The following CCSER1 variants were observed in gnomAD, a reference collection of about 807,000 sequenced individuals.
CCSER1 encodes serine-rich coiled-coil domain-containing protein 1.
Under a neutral mutation model 82.0 loss-of-function variants are expected in CCSER1, and 41 were observed. The ratio of observed to expected loss-of-function variants is 0.50; its 90% CI spans 0.39 to 0.65. The LOEUF is 0.65. Among genes scored for constraint, CCSER1 ranks in the 30% least tolerant of loss-of-function variants. The probability of loss-of-function intolerance (pLI) is 0.00; values close to 1 mark genes in which losing one functional copy is unlikely to be tolerated. For missense variants in CCSER1, 1,119 were observed against 1,064.2 expected (o/e 1.05, Z -0.72); for synonymous variants, 414 against 383.9 (o/e 1.08, Z -0.92).
intron 10 of CCSER1, among the ~76,000 whole-genome samples, chr4:91,160,499 T>C (rs564712588): frequency 6.6e-6 from 1 of 152,222 alleles, no homozygotes; most frequent in African/African-American, 2.4e-5. Flanking sequence ...TGAACTAGTT[T>C]ACAGTCCCAC....
chr4:91,466,791 T>C (rs1756938634), intron 10 of CCSER1, among the ~76,000 whole-genome samples: 1 of 152,058 alleles, frequency 6.6e-6, no homozygotes, highest in Non-Finnish European at 1.5e-5. Context: ...GGAATCCAAC[T>C]TACAAGGGAT....
intron 9 of CCSER1, among the ~76,000 whole-genome samples, chr4:90,948,483 G>A (rs1401239689): frequency 4.0e-5 from 6 of 151,414 alleles, no homozygotes; most frequent in Non-Finnish European, 7.4e-5. Flanking sequence ...ACAACACATA[G>A]GATGAAAACA....
At chr4:91,429,080 A>G (rs1754149496) in intron 10 of CCSER1, among the ~76,000 whole-genome samples, 1 of 152,016 alleles carries the variant, frequency 6.6e-6, no homozygotes, top group African/African-American at 2.4e-5. Flanking sequence ...CAAATTAAAG[A>G]GTTTTTGATA....
chr4:91,407,957 G>C (rs1752800698), intron 10 of CCSER1, among the ~76,000 whole-genome samples: 2 of 152,096 alleles, frequency 1.3e-5, no homozygotes, highest in Non-Finnish European at 2.9e-5. Context: ...TTTGTCAGTG[G>C]TCTATTGCCG....
chr4:91,386,790 T>A (rs1024629496), intron 10 of CCSER1, among the ~76,000 whole-genome samples: 1 of 152,016 alleles, frequency 6.6e-6, no homozygotes, highest in Admixed American at 6.6e-5. Context: ...CATATATACA[T>A]GTATATATAG....
At chr4:91,027,101 G>T (rs1034423969) in intron 9 of CCSER1, among the ~76,000 whole-genome samples, 4 of 152,016 alleles carry the variant, frequency 2.6e-5, no homozygotes, top group African/African-American at 9.7e-5. Context: ...ATGTAGAACT[G>T]GGCAAGATCA....
At chr4:90,325,589 G>A (rs1472978335) in intron 3 of CCSER1, 3 of 433,182 alleles carry the variant, frequency 6.9e-6, no homozygotes, top group Admixed American at 4.8e-5. Flanking sequence ...AATATTTATT[G>A]ATTCAGGGTC....
chr4:90,963,821 G>A (rs903688299), intron 9 of CCSER1, among the ~76,000 whole-genome samples: 5 of 152,114 alleles, frequency 3.3e-5, no homozygotes, highest in Non-Finnish European at 7.3e-5. Context: ...CTAACGTATT[G>A]CCTTATGATC....
intron 6 of CCSER1, among the ~76,000 whole-genome samples, chr4:90,649,878 G>A (rs929065372): frequency 6.6e-6 from 1 of 152,112 alleles, no homozygotes; most frequent in African/African-American, 2.4e-5. Context: ...AGGCAGAGGT[G>A]GGTGGATCAC....
At chr4:91,373,173 A>G (rs1750157959) in intron 10 of CCSER1, among the ~76,000 whole-genome samples, 1 of 151,890 alleles carries the variant, frequency 6.6e-6, no homozygotes, top group African/African-American at 2.4e-5. Context: ...GAAACTATAT[A>G]TTATAGGCCA....
At chr4:90,476,712 C>G (rs1456679409) in intron 5 of CCSER1, among the ~76,000 whole-genome samples, 1 of 152,096 alleles carries the variant, frequency 6.6e-6, no homozygotes, top group African/African-American at 2.4e-5. Flanking sequence ...AACTGCTGCC[C>G]TTGATTGACA....
At chr4:91,204,990 CTATTAT>C (rs1292471762) in intron 10 of CCSER1, among the ~76,000 whole-genome samples, 5 of 151,498 alleles carry the variant, frequency 3.3e-5, no homozygotes, top group East Asian at 1.9e-4. Context: ...ATTGCTTACT[CTATTAT>C]TATTAACTCA....
At chr4:90,497,565 G>A (rs1182513323) in intron 5 of CCSER1, among the ~76,000 whole-genome samples, 1 of 152,082 alleles carries the variant, frequency 6.6e-6, no homozygotes, top group Non-Finnish European at 1.5e-5. Context: ...ATTTAAACTT[G>A]TTGTTTTTAA....
At chr4:90,391,766 A>G (rs1197525332) in intron 3 of CCSER1, among the ~76,000 whole-genome samples, 2 of 151,846 alleles carry the variant, frequency 1.3e-5, no homozygotes, top group Middle Eastern at 3.4e-3. Context: ...GAAATATTCA[A>G]TTCCTCTAGT....
chr4:90,674,704 A>G (rs1377831054), intron 6 of CCSER1, among the ~76,000 whole-genome samples: 1 of 151,940 alleles, frequency 6.6e-6, no homozygotes, highest in African/African-American at 2.4e-5. Flanking sequence ...GTTATGTTTA[A>G]GGATCTTCAC....
At chr4:90,849,674 A>T (rs1414684065) in intron 8 of CCSER1, among the ~76,000 whole-genome samples, 1 of 151,614 alleles carries the variant, frequency 6.6e-6, no homozygotes, top group African/African-American at 2.4e-5. Context: ...CTGTAGTCCC[A>T]GCTACTTGGG....
chr4:90,263,145 A>G (rs1456331317), intron 1 of CCSER1, among the ~76,000 whole-genome samples: 1 of 152,184 alleles, frequency 6.6e-6, no homozygotes, highest in Non-Finnish European at 1.5e-5. Flanking sequence ...ACCAGCGGAA[A>G]GATCTGGGAC....
chr4:90,875,687 T>G (rs1424454618), intron 8 of CCSER1, among the ~76,000 whole-genome samples: 1 of 152,174 alleles, frequency 6.6e-6, no homozygotes, highest in Non-Finnish European at 1.5e-5. Context: ...ATAGCTTAAA[T>G]TAAACATCAC....
chr4:91,447,978 A>G (rs1755663043), intron 10 of CCSER1, among the ~76,000 whole-genome samples: 1 of 152,072 alleles, frequency 6.6e-6, no homozygotes, highest in Admixed American at 6.6e-5. Flanking sequence ...TTAGATGTTT[A>G]TGTGAGTGTT....
Sources: allele counts gnomAD v4.1 joint callset (sites outside exome capture counted in the v4.1 genomes callset), GRCh38; gene constraint gnomAD v4.1.1; transcripts MANE v1.5; gene names NCBI Gene and HGNC (gene_info 2026-07-23, HGNC 2026-07-21).